Variants in PPP6R3 observed in about 807,000 individuals in gnomAD.
PPP6R3 encodes protein phosphatase 6 regulatory subunit 3.
Under a neutral mutation model 110.7 loss-of-function variants are expected in PPP6R3, and 38 were observed. The observed-to-expected ratio is 0.34, with a 90% CI of 0.26 to 0.45. PPP6R3 has a LOEUF of 0.45. PPP6R3 is among the 20% of genes least tolerant of loss of function. The probability of loss-of-function intolerance (pLI) is 1.00; values close to 1 mark genes in which losing one functional copy is unlikely to be tolerated. For synonymous variants in PPP6R3, 369 were observed against 373.5 expected (o/e 0.99, Z 0.14); for missense variants, 870 against 1,062.4 (o/e 0.82, Z 2.52).
intron 1 of PPP6R3, among the ~76,000 whole-genome samples, chr11:68,509,698 G>A (rs150056998): frequency 8.7e-5 from 13 of 149,068 alleles, no homozygotes; most frequent in Admixed American, 4.0e-4. Context: ...TGAAACATCC[G>A]CCCCTTGAGT....
chr11:68,611,523 G>C (rs1471382790), intron 23 of PPP6R3, among the ~76,000 whole-genome samples: 1 of 152,194 alleles, frequency 6.6e-6, no homozygotes, highest in East Asian at 1.9e-4. Flanking sequence ...GTCAGCCAGT[G>C]GAAGAAGAGG....
At chr11:68,480,744 G>A (rs767484465) in intron 1 of PPP6R3, among the ~76,000 whole-genome samples, 18 of 152,248 alleles carry the variant, frequency 1.2e-4, no homozygotes, top group African/African-American at 1.9e-4. Context: ...TTGAATAAGC[G>A]TCAGCTAGTA....
chr11:68,573,114 T>TCATA (rs1555173816), intron 12 of PPP6R3, among the ~76,000 whole-genome samples: 1 of 61,796 alleles, frequency 1.6e-5, no homozygotes. Context: ...TTTACTTATT[T>TCATA]TATATATATA....
rs374449036 is a variant in PPP6R3 at position 68,553,350 on chromosome 11, A to G, written c.619-795A>G. Among the ~76,000 whole-genome samples the G allele has an allele frequency of 3.2e-3, 485 of 150,866 alleles. 4 individuals carry two copies. The highest frequency in any genetic ancestry group is 5.8e-3 in the Non-Finnish European group (391 of 67,814). On this transcript the variant is annotated intron_variant, in intron 6 of 23. Coordinates refer to ENST00000393800, the MANE Select transcript of PPP6R3 (RefSeq NM_001164161.2). ...CTTTTGTTGCCCAGGCTGGAGTGCA[A>G]TGGTGCCATCTCGGCTCACCGCCAC...
At chr11:68,529,733 G>A (rs17149156) in intron 2 of PPP6R3, among the ~76,000 whole-genome samples, 2,068 of 152,256 alleles carry the variant, frequency 0.014, 57 homozygotes, top group African/African-American at 0.047. Flanking sequence ...ATCTGCCCAA[G>A]TTGTTACATT....
rs1304694722 is a variant in PPP6R3 at position 68,614,345 on chromosome 11, T to C, written c.*1228T>C. The C allele has an allele frequency of 8.7e-7, 1 of 1,151,760 alleles. No individual in the cohort carries two copies. Among genetic ancestry groups the C allele is most frequent in the Admixed American group, 4.7e-5 (1 of 21,342 alleles). The allele number at this position is 1,151,760 out of a possible 1,614,324, so 71.3% of individuals were successfully genotyped here. A position where few individuals can be genotyped will look rare whatever the true frequency, so the allele number is the denominator to read the frequency against. On this transcript the variant is annotated 3_prime_UTR_variant, in exon 24 of 24. Coordinates refer to ENST00000393800, the MANE Select transcript of PPP6R3 (RefSeq NM_001164161.2). ...CTTCTCAAACAGCTCAAGCAATATA[T>C]TGTATATTGCCATATCGTCTGGTGA...
chr11:68,470,755 C>T (rs2098785476), intron 1 of PPP6R3, among the ~76,000 whole-genome samples: 1 of 151,906 alleles, frequency 6.6e-6, no homozygotes, highest in African/African-American at 2.4e-5. Context: ...GATTTGCTGG[C>T]AGATTGGAGT....
At chr11:68,546,224 T>G (rs1484514977) in intron 4 of PPP6R3, among the ~76,000 whole-genome samples, 6 of 152,244 alleles carry the variant, frequency 3.9e-5, no homozygotes, top group Non-Finnish European at 8.8e-5. Flanking sequence ...TCTTTTTTTC[T>G]GCCTTCTAGT....
intron 22 of PPP6R3, among the ~76,000 whole-genome samples, chr11:68,608,436 G>A (rs1188497159): frequency 6.6e-6 from 1 of 152,188 alleles, no homozygotes; most frequent in Admixed American, 6.5e-5. Flanking sequence ...TGCAGCCTGC[G>A]GGGCCCTGGT....
rs199650253 is a variant in PPP6R3 at position 68,480,239 on chromosome 11, T to A, written c.-158+19412T>A. Among the ~76,000 whole-genome samples the A allele has an allele frequency of 1.6e-4, 24 of 152,370 alleles. No homozygotes were observed. In the East Asian group the frequency reaches 2.5e-3, roughly 16 times the overall value. ...GCTTTTCTGCTCTGATCTTTTGATG[T>A]TTCTTTCTGAAAACTTATTTCCTCT... On this transcript the variant is annotated intron_variant, in intron 1 of 23. Coordinates refer to ENST00000393800, the MANE Select transcript of PPP6R3 (RefSeq NM_001164161.2).
intron 8 of PPP6R3, among the ~76,000 whole-genome samples, chr11:68,559,734 C>G (rs190660935): frequency 6.6e-6 from 1 of 152,090 alleles, no homozygotes; most frequent in Non-Finnish European, 1.5e-5. Context: ...AAAATCAGTA[C>G]CATCTTCCTA....
At chr11:68,554,041 C>G (rs1361867265) in intron 6 of PPP6R3, 104 bp from the exon 7 acceptor site, 4 of 811,418 alleles carry the variant, frequency 4.9e-6, no homozygotes, top group Non-Finnish European at 7.7e-6. Context: ...AGCTTATGGC[C>G]AGTGTTAATT....
intron 4 of PPP6R3, among the ~76,000 whole-genome samples, chr11:68,546,268 A>C (rs2099348682): frequency 6.6e-6 from 1 of 151,982 alleles, no homozygotes; most frequent in Admixed American, 6.6e-5. Context: ...GTTTTAGGAG[A>C]GTGGAAGCCA....
chr11:68,505,056 T>C (rs2099068627), intron 1 of PPP6R3: 1 of 152,236 alleles, frequency 6.6e-6, no homozygotes, highest in African/African-American at 2.4e-5. Flanking sequence ...ATTTGTTCTT[T>C]TCTATGTCTT....
intron 14 of PPP6R3, among the ~76,000 whole-genome samples, chr11:68,582,763 A>T (rs1456285598): frequency 1.3e-5 from 2 of 152,218 alleles, no homozygotes; most frequent in African/African-American, 4.8e-5. Flanking sequence ...AAAATCACTT[A>T]AATGGAGTAA....
At chr11:68,591,475 G>A (rs2099595194) in intron 17 of PPP6R3, 101 bp from the exon 18 acceptor site, 21 of 1,131,876 alleles carry the variant, frequency 1.9e-5, no homozygotes, top group African/African-American at 4.7e-5. Flanking sequence ...GCACCATATT[G>A]TAAAGCAGTG....
intron 1 of PPP6R3, among the ~76,000 whole-genome samples, chr11:68,469,985 A>T (rs1408850548): frequency 6.6e-6 from 1 of 152,114 alleles, no homozygotes; most frequent in Non-Finnish European, 1.5e-5. Context: ...ATGTAAATGG[A>T]GTCACTTTGT....
At chr11:68,470,292 A>T (rs1289828709) in intron 1 of PPP6R3, among the ~76,000 whole-genome samples, 3 of 152,094 alleles carry the variant, frequency 2.0e-5, no homozygotes, top group Non-Finnish European at 4.4e-5. Context: ...GAAGGAGTGG[A>T]GGGACCCAGC....
At chr11:68,497,540 A>G (rs1209297140) in intron 1 of PPP6R3, among the ~76,000 whole-genome samples, 1 of 151,114 alleles carries the variant, frequency 6.6e-6, no homozygotes, top group Non-Finnish European at 1.5e-5. Flanking sequence ...TTTTTTGTAG[A>G]AACGGGGATT....
Sources: allele counts gnomAD v4.1 joint callset (sites outside exome capture counted in the v4.1 genomes callset), GRCh38; gene constraint gnomAD v4.1.1; transcripts MANE v1.5; gene names NCBI Gene and HGNC (gene_info 2026-07-23, HGNC 2026-07-21).